Variants in CDK5RAP2 observed in about 807,000 individuals in gnomAD.
CDK5RAP2 encodes the protein CDK5 regulatory subunit-associated protein 2.
Under a neutral mutation model 232.9 loss-of-function variants are expected in CDK5RAP2, and 147 were observed. The observed-to-expected ratio is 0.63, with a 90% CI of 0.55 to 0.72. CDK5RAP2 has a LOEUF of 0.72. Ranked by LOEUF, CDK5RAP2 falls within the 30% of genes least tolerant of loss-of-function variation. The pLI, the probability that CDK5RAP2 is intolerant of heterozygous loss-of-function variation, is 0.00. For synonymous variants in CDK5RAP2, 833 were observed against 833.7 expected, an observed-to-expected ratio of 1.00 and a Z score of 0.01; for missense variants, 2,195 against 2,231.5, an observed-to-expected ratio of 0.98 and a Z score of 0.33.
At chr9:120,475,557 G>A (rs998808520) in intron 15 of CDK5RAP2, among the ~76,000 whole-genome samples, 4 of 151,948 alleles carry the variant, frequency 2.6e-5, no homozygotes, top group Admixed American at 6.6e-5. Context: ...GTTTCCACAC[G>A]ACTCAACCCC....
intron 3 of CDK5RAP2, among the ~76,000 whole-genome samples, chr9:120,558,754 C>A (rs771966521): frequency 2.0e-5 from 3 of 152,202 alleles, no homozygotes; most frequent in Non-Finnish European, 4.4e-5. Context: ...TTGGGGAGGG[C>A]CTCTCCAACT....
intron 14 of CDK5RAP2, among the ~76,000 whole-genome samples, chr9:120,484,513 G>T (rs938426865): frequency 6.6e-6 from 1 of 152,126 alleles, no homozygotes; most frequent in East Asian, 1.9e-4. Context: ...TTTGAGGTCA[G>T]AAGTTTGAGA....
chr9:120,451,766 C>T (rs928929518), intron 21 of CDK5RAP2, among the ~76,000 whole-genome samples: 3 of 151,420 alleles, frequency 2.0e-5, no homozygotes, highest in Admixed American at 1.3e-4. Flanking sequence ...GTTTTCTGAG[C>T]CTTTTAAGAG....
chr9:120,498,301 GCC>G (rs755114208), intron 12 of CDK5RAP2, among the ~76,000 whole-genome samples: 1 of 152,068 alleles, frequency 6.6e-6, no homozygotes, highest in Non-Finnish European at 1.5e-5. Flanking sequence ...GGACTTCATT[GCC>G]CCCACGACCT....
intron 10 of CDK5RAP2, 85 bp from the exon 11 acceptor site, chr9:120,525,163 G>T: frequency 9.7e-7 from 1 of 1,029,372 alleles, no homozygotes; most frequent in Non-Finnish European, 1.5e-6. Context: ...GCTCAATTGT[G>T]TCGTGCTTAT....
intron 4 of CDK5RAP2, among the ~76,000 whole-genome samples, chr9:120,550,175 G>A (rs2041996205): frequency 6.6e-6 from 1 of 152,198 alleles, no homozygotes; most frequent in South Asian, 2.1e-4. Flanking sequence ...AAGACCTGCA[G>A]GTCAAGACTT....
intron 25 of CDK5RAP2, among the ~76,000 whole-genome samples, chr9:120,436,122 T>G (rs1487519913): frequency 6.6e-6 from 1 of 152,222 alleles, no homozygotes; most frequent in Non-Finnish European, 1.5e-5. Context: ...GTGATCAAAG[T>G]TAATATCACC....
At chr9:120,540,231 A>G (rs887324095) in intron 5 of CDK5RAP2, among the ~76,000 whole-genome samples, 3 of 152,238 alleles carry the variant, frequency 2.0e-5, no homozygotes, top group African/African-American at 7.2e-5. Flanking sequence ...CTGTATGAGC[A>G]GTCCTCGTCA....
chr9:120,484,987 A>G (rs555137011), intron 14 of CDK5RAP2, among the ~76,000 whole-genome samples: 1 of 152,066 alleles, frequency 6.6e-6, no homozygotes, highest in South Asian at 2.1e-4. Flanking sequence ...GCCTCCCACA[A>G]TGCTAGGATT....
intron 9 of CDK5RAP2, 25 bp from the exon 10 acceptor site, chr9:120,527,950 AC>A: frequency 1.2e-6 from 2 of 1,613,110 alleles, no homozygotes; most frequent in Non-Finnish European, 1.7e-6. Context: ...AAAAAGATTC[AC>A]TAAGTTGATG....
intron 19 of CDK5RAP2, among the ~76,000 whole-genome samples, chr9:120,458,990 T>C (rs2036939561): frequency 6.6e-6 from 1 of 152,186 alleles, no homozygotes; most frequent in African/African-American, 2.4e-5. Flanking sequence ...AGGTGCACAA[T>C]GGAAATGTGT....
In CDK5RAP2 at chr9:120,439,734, G is replaced by C. The variant is rs762224692; in HGVS notation, c.3387C>G (p.Phe1129Leu). The C allele has an allele frequency of 4.3e-6, 7 of 1,614,042 alleles. No individual in the cohort carries two copies. Among genetic ancestry groups the C allele is most frequent in the Non-Finnish European group, 5.9e-6 (7 of 1,180,028 alleles). Residue 1129 changes from phenylalanine (F) to leucine (L), a missense_variant, in exon 24 of 38, where the codon TTC (phenylalanine) becomes TTG (leucine). By Grantham distance (22) the Phe-to-Leu change is conservative. Coordinates refer to ENST00000349780, the MANE Select transcript of CDK5RAP2 (RefSeq NM_018249.6). ...GGGAGTGCTTTTGAAGCTGAAATAT[G>C]AAATTCTGGTAGCCTTCCAGCTCAG... Reference protein sequence around the residue: ...LETELEGYQNFIFQLQKHSQC... With the variant: ...LETELEGYQNLIFQLQKHSQC...
chr9:120,460,026 G>T (rs966903957), intron 19 of CDK5RAP2, among the ~76,000 whole-genome samples: 1 of 152,162 alleles, frequency 6.6e-6, no homozygotes, highest in Non-Finnish European at 1.5e-5. Context: ...TGCTCTATGT[G>T]TACGGGGGTG....
chr9:120,489,960 A>G (rs1462997404), intron 13 of CDK5RAP2, among the ~76,000 whole-genome samples: 1 of 151,896 alleles, frequency 6.6e-6, no homozygotes, highest in Non-Finnish European at 1.5e-5. Context: ...GGCATGCACC[A>G]CCACACCTGG....
At chr9:120,527,371 G>A (rs77954720) in intron 10 of CDK5RAP2, among the ~76,000 whole-genome samples, 2 of 151,990 alleles carry the variant, frequency 1.3e-5, no homozygotes, top group Non-Finnish European at 2.9e-5. Context: ...CCCACATGTG[G>A]CTCTTGGCAT....
At chr9:120,429,850 C>A (rs2035167681) in intron 25 of CDK5RAP2, among the ~76,000 whole-genome samples, 2 of 152,188 alleles carry the variant, frequency 1.3e-5, no homozygotes, top group Non-Finnish European at 2.9e-5. Flanking sequence ...CACTACCTGA[C>A]TTCAAACTAT....
chr9:120,450,549 T>A (rs1434045148), intron 21 of CDK5RAP2, among the ~76,000 whole-genome samples: 2 of 152,176 alleles, frequency 1.3e-5, no homozygotes, highest in African/African-American at 2.4e-5. Context: ...TTAAAGTTTT[T>A]AAATAGCAGA....
intron 20 of CDK5RAP2, among the ~76,000 whole-genome samples, chr9:120,455,208 A>T (rs1016278501): frequency 2.0e-5 from 3 of 152,256 alleles, no homozygotes; most frequent in Admixed American, 2.0e-4. Context: ...TGGCAGGGAG[A>T]ACAACAGCGG....
intron 24 of CDK5RAP2, 31 bp downstream of exon 24, chr9:120,439,368 T>A (rs748317676): frequency 2.0e-5 from 32 of 1,585,458 alleles, no homozygotes; most frequent in Non-Finnish European, 2.8e-5. Flanking sequence ...ACTACAGGCT[T>A]AAACGGGGAG....
Sources: allele counts gnomAD v4.1 joint callset (sites outside exome capture counted in the v4.1 genomes callset), GRCh38; gene constraint gnomAD v4.1.1; transcripts MANE v1.5; gene names NCBI Gene and HGNC (gene_info 2026-07-23, HGNC 2026-07-21).